The following SNTB1 variants were observed in gnomAD, a reference collection of about 807,000 sequenced individuals.
SNTB1 encodes beta-1-syntrophin.
In SNTB1, 36 loss-of-function variants were observed where a neutral mutation model predicts 48.9. That is an observed-to-expected ratio of 0.74 (90% CI 0.56 to 0.97). The LOEUF (loss-of-function observed/expected upper bound fraction) is 0.97. Among genes scored for constraint, SNTB1 ranks in the 50% least tolerant of loss-of-function variants. SNTB1 has a pLI of 0.00. For synonymous variants in SNTB1, 299 were observed against 294.6 expected (o/e 1.01, Z -0.15); for missense variants, 786 against 703.4 (o/e 1.12, Z -1.33).
chr8:120,584,438 CAAAAA>C (rs11443743), intron 3 of SNTB1, among the ~76,000 whole-genome samples: 1 of 57,072 alleles, frequency 1.8e-5, no homozygotes, highest in African/African-American at 8.1e-5. Flanking sequence ...AACTCCATCT[CAAAAA>C]AAAAAAAAAA....
intron 1 of SNTB1, among the ~76,000 whole-genome samples, chr8:120,730,675 C>T (rs1172010170): frequency 6.6e-6 from 1 of 152,240 alleles, no homozygotes; most frequent in East Asian, 1.9e-4. Context: ...CGCTTAGTAA[C>T]CCTAAGCAAG....
At chr8:120,764,306 G>C (rs943739663) in intron 1 of SNTB1, among the ~76,000 whole-genome samples, 1 of 152,116 alleles carries the variant, frequency 6.6e-6, no homozygotes, top group Non-Finnish European at 1.5e-5. Context: ...AGATATCCAA[G>C]AAATACTCTT....
At chr8:120,690,850 C>T (rs1818113181) in intron 2 of SNTB1, among the ~76,000 whole-genome samples, 1 of 152,154 alleles carries the variant, frequency 6.6e-6, no homozygotes, top group South Asian at 2.1e-4. Context: ...ATGGGCAAGC[C>T]TCACCTAGGC....
intron 4 of SNTB1, among the ~76,000 whole-genome samples, chr8:120,552,903 T>C (rs1224238378): frequency 2.0e-5 from 3 of 147,466 alleles, no homozygotes; most frequent in African/African-American, 7.5e-5. Context: ...CATCTGGGGG[T>C]GATGATGCCT....
At chr8:120,686,144 T>G (rs536756646) in intron 2 of SNTB1, among the ~76,000 whole-genome samples, 1 of 152,328 alleles carries the variant, frequency 6.6e-6, no homozygotes, top group Admixed American at 6.5e-5. Context: ...GAATTCTCCT[T>G]AAATCTCCTT....
chr8:120,766,463 AT>A (rs1212372448), intron 1 of SNTB1, among the ~76,000 whole-genome samples: 1 of 152,170 alleles, frequency 6.6e-6, no homozygotes, highest in Non-Finnish European at 1.5e-5. Context: ...TGTCTTCACT[AT>A]TGATTATACA....
At chr8:120,631,599 G>A (rs964965486) in intron 3 of SNTB1, among the ~76,000 whole-genome samples, 2 of 152,076 alleles carry the variant, frequency 1.3e-5, no homozygotes, top group Admixed American at 1.3e-4. Context: ...AAAGTCCAGT[G>A]TTCCTGAGCA....
At chr8:120,559,408 G>A (rs948399772) in intron 4 of SNTB1, among the ~76,000 whole-genome samples, 29 of 152,124 alleles carry the variant, frequency 1.9e-4, no homozygotes, top group African/African-American at 6.0e-4. Flanking sequence ...ACATAAATGC[G>A]TCCCTAAGCA....
rs371883004 is a variant in SNTB1, at chr8:120,752,360, C to G, written c.572-58452G>C. ...ACATTTTTGTGTCTTAGCACATGAA[C>G]ATCAATTTCCTCTTCAGTAAAGTGA... is the stretch of plus-strand genomic sequence containing the variant. On this transcript the variant is annotated intron_variant, in intron 1 of 6. Coordinates refer to ENST00000517992, the MANE Select transcript of SNTB1 (RefSeq NM_021021.4). 2.0e-5 allele frequency among the ~76,000 whole-genome samples: 3 copies of G among 152,072 alleles called. No homozygotes were observed. In the South Asian group the frequency reaches 6.2e-4, roughly 31 times the overall value.
At chr8:120,549,231 G>A (rs983267656) in intron 4 of SNTB1, among the ~76,000 whole-genome samples, 11 of 152,192 alleles carry the variant, frequency 7.2e-5, no homozygotes, top group Admixed American at 5.2e-4. Flanking sequence ...TAAATGTGAC[G>A]GAGAAAAGAA....
Position 120,689,949 on chromosome 8 carries a change from C to T in SNTB1, c.788+3743G>A, listed in dbSNP as rs905347225. On this transcript the variant is annotated intron_variant, in intron 2 of 6. Coordinates refer to ENST00000517992, the MANE Select transcript of SNTB1 (RefSeq NM_021021.4). ...TTCTCTATTATCAGAGTAAAGAGTT[C>T]GCAATGTATTCAGATCTACTTTATT... 6.4e-4 allele frequency among the ~76,000 whole-genome samples: 98 copies of T among 152,220 alleles called. 1 individual carries two copies. Among genetic ancestry groups the T allele is most frequent in the African/African-American group, 2.1e-3 (87 of 41,544 alleles).
At chr8:120,610,200 G>T (rs1816597022) in intron 3 of SNTB1, among the ~76,000 whole-genome samples, 2 of 152,102 alleles carry the variant, frequency 1.3e-5, no homozygotes, top group African/African-American at 4.8e-5. Flanking sequence ...GCAGTGGCGT[G>T]ATCTCGGCTC....
At chr8:120,620,931 C>G (rs546385898) in intron 3 of SNTB1, among the ~76,000 whole-genome samples, 1 of 139,670 alleles carries the variant, frequency 7.2e-6, no homozygotes, top group East Asian at 2.3e-4. Context: ...CCCTCTCTCT[C>G]TTCTTCCCTC....
chr8:120,628,319 C>T (rs935809802), intron 3 of SNTB1, among the ~76,000 whole-genome samples: 4 of 152,066 alleles, frequency 2.6e-5, no homozygotes, highest in South Asian at 2.1e-4. Flanking sequence ...TTATCTGAAA[C>T]GTAATGATAA....
intron 2 of SNTB1, among the ~76,000 whole-genome samples, chr8:120,689,543 A>C (rs188133382): frequency 1.4e-4 from 21 of 152,302 alleles, no homozygotes; most frequent in African/African-American, 5.1e-4. Flanking sequence ...TTCTTGCTTA[A>C]ATTCACATAT....
chr8:120,735,744 T>C (rs1818930813), intron 1 of SNTB1, among the ~76,000 whole-genome samples: 1 of 152,150 alleles, frequency 6.6e-6, no homozygotes, highest in Non-Finnish European at 1.5e-5. Flanking sequence ...ATACAGACTG[T>C]GGTATTTTGT....
chr8:120,597,904 T>A (rs1408662614), intron 3 of SNTB1, among the ~76,000 whole-genome samples: 4 of 152,234 alleles, frequency 2.6e-5, no homozygotes, highest in African/African-American at 9.6e-5. Flanking sequence ...GTGACTTACA[T>A]ATAATTCCAA....
intron 2 of SNTB1, among the ~76,000 whole-genome samples, chr8:120,647,428 G>A (rs1185752812): frequency 2.0e-4 from 29 of 145,092 alleles, no homozygotes; most frequent in South Asian, 4.3e-4. Context: ...TATGTACCCA[G>A]TAGTCATTCA....
intron 4 of SNTB1, among the ~76,000 whole-genome samples, chr8:120,558,511 T>C (rs923515847): frequency 6.6e-6 from 1 of 152,304 alleles, no homozygotes; most frequent in South Asian, 2.1e-4. Context: ...GAAGCAAAGC[T>C]ACAAATCCCA....
Sources: allele counts gnomAD v4.1 joint callset (sites outside exome capture counted in the v4.1 genomes callset), GRCh38; gene constraint gnomAD v4.1.1; transcripts MANE v1.5; gene names NCBI Gene and HGNC (gene_info 2026-07-23, HGNC 2026-07-21).